SMYD4: variants seen among roughly 807,000 people sequenced by gnomAD.
SMYD4 encodes SET and MYND domain containing 4.
In SMYD4, 68 loss-of-function variants were observed where a neutral mutation model predicts 72.8. The observed-to-expected ratio is 0.93, with a 90% CI of 0.77 to 1.14. The LOEUF is 1.14. SMYD4 is among the 50% of genes most tolerant of loss of function. SMYD4 has a pLI of 0.00. For missense variants in SMYD4, 984 were observed against 1,003.7 expected (o/e 0.98, Z 0.27); for synonymous variants, 407 against 388.6 (o/e 1.05, Z -0.56).
chr17:1,783,657 C>G lies in SMYD4; in HGVS notation c.2021-181G>C, dbSNP rs1056872828. On this transcript the variant is annotated intron_variant, in intron 8 of 10. Coordinates refer to ENST00000305513, the MANE Select transcript of SMYD4 (RefSeq NM_052928.3). Reference sequence around the variant, plus strand: ...AAGCTGCTGTTTTCTTCTGTTTTCTCTGTCAGTGGAGAAAGGCGCTAGGGG... The same window carrying G: ...AAGCTGCTGTTTTCTTCTGTTTTCTGTGTCAGTGGAGAAAGGCGCTAGGGG... The G allele has an allele frequency of 2.2e-5, 26 of 1,162,650 alleles. No individual in the cohort carries two copies. The Middle Eastern group carries it at 9.0e-4, about 40-fold the overall frequency. The allele number at this position is 1,162,650 out of a possible 1,614,324, so 72.0% of individuals were successfully genotyped here.
intron 3 of SMYD4, 119 bp downstream of exon 3, chr17:1,811,852 A>G (rs1201877166): frequency 3.7e-6 from 4 of 1,094,246 alleles, no homozygotes; most frequent in Non-Finnish European, 5.2e-6. Context: ...GCTTGAACCC[A>G]GGAGGCGAAT....
intron 3 of SMYD4, among the ~76,000 whole-genome samples, chr17:1,808,354 A>C (rs1409938343): frequency 6.6e-6 from 1 of 152,236 alleles, no homozygotes; most frequent in Non-Finnish European, 1.5e-5. Context: ...TGTCGAAGGA[A>C]AAAAGCAGGT....
At chr17:1,798,360 G>A (rs56017065) in intron 5 of SMYD4, among the ~76,000 whole-genome samples, 1 of 151,830 alleles carries the variant, frequency 6.6e-6, no homozygotes, top group Non-Finnish European at 1.5e-5. Context: ...GACCCACCCC[G>A]GCCTCCCAAA....
rs574298200 is a variant in SMYD4, at chr17:1,785,479, G to T, written c.1885-1018C>A. ...AAGAAAACCAATAGAAAGGCTGGGC[G>T]TGGTGGCTCACGCCTGTAATCCCAG... On this transcript the variant is annotated intron_variant, in intron 7 of 10. Transcript: ENST00000305513. Among the ~76,000 whole-genome samples the T allele has an allele frequency of 4.6e-5, 7 of 151,452 alleles. No homozygotes were observed. In the East Asian group the frequency reaches 1.2e-3, roughly 25 times the overall value.
chr17:1,824,251 G>A (rs910624481), intron 2 of SMYD4, among the ~76,000 whole-genome samples: 6 of 152,180 alleles, frequency 3.9e-5, no homozygotes, highest in Admixed American at 2.0e-4. Context: ...GCTGAGACAG[G>A]AGAATCGCTT....
At chr17:1,798,501 A>G (rs1267640136) in intron 5 of SMYD4, among the ~76,000 whole-genome samples, 1 of 152,014 alleles carries the variant, frequency 6.6e-6, no homozygotes, top group African/African-American at 2.4e-5. Context: ...AGTGGTTCAC[A>G]CCTGTAATCC....
chr17:1,784,495 C>T (rs748380816), intron 7 of SMYD4, 34 bp from the exon 8 acceptor site: 1 of 1,612,858 alleles, frequency 6.2e-7, no homozygotes, highest in Non-Finnish European at 8.5e-7. Flanking sequence ...ATTCCAATGC[C>T]AGGGTCAGTT....
intron 2 of SMYD4, among the ~76,000 whole-genome samples, chr17:1,817,451 CCCACCTCAG>C (rs755365288): frequency 2.6e-5 from 4 of 152,104 alleles, no homozygotes; most frequent in Non-Finnish European, 4.4e-5. Context: ...AAGTAATCCT[CCCACCTCAG>C]CTTCCTGAGT....
At chr17:1,826,504 A>G (rs1164544200) in intron 2 of SMYD4, among the ~76,000 whole-genome samples, 3 of 66,884 alleles carry the variant, frequency 4.5e-5, no homozygotes, top group African/African-American at 2.6e-4. Context: ...AAAAAAAAAA[A>G]AAAAAAAAAA....
At chr17:1,788,932 G>C (rs1195870894) in intron 5 of SMYD4, among the ~76,000 whole-genome samples, 2 of 152,148 alleles carry the variant, frequency 1.3e-5, no homozygotes, top group South Asian at 4.1e-4. Flanking sequence ...ATTATCTTCA[G>C]TAGTCTCAAT....
chr17:1,783,842 A>G (rs1439884217), intron 8 of SMYD4: 1 of 324,316 alleles, frequency 3.1e-6, no homozygotes, highest in African/African-American at 2.2e-5. Context: ...GTCAAGCTCT[A>G]AGGCAGGGTT....
chr17:1,818,667 AT>A (rs56703091), intron 2 of SMYD4, among the ~76,000 whole-genome samples: 242 of 150,636 alleles, frequency 1.6e-3, no homozygotes, highest in African/African-American at 5.3e-3. Context: ...TTTATTTTTA[AT>A]TTTTTTTTCG....
chr17:1,786,840 G>C lies in SMYD4; in HGVS notation c.1854C>G (p.Phe618Leu), dbSNP rs749178657. ...RMAAGPRWEA[F>L]CCNSCGAPMQ... ...TGGGCGCTCCGCAACTGTTGCAACA[G>C]AATGCTTCCCACCTGGGCCCTGCAG... The change falls in exon 7 of 11, where the codon TTC becomes TTG. Residue 618 changes from phenylalanine to leucine, a missense_variant. Transcript: ENST00000305513. The C allele has an allele frequency of 1.9e-6, 3 of 1,614,228 alleles. No individual in the cohort carries two copies. The highest frequency in any genetic ancestry group is 2.5e-6 in the Non-Finnish European group (3 of 1,180,044).
chr17:1,783,096 C>A lies in SMYD4; in HGVS notation c.2200G>T (p.Gly734Trp). ...TGGCCCATTTCAACACTGGACGGCC[C>A]GTGGCGAACCTCCACCACGTAGAGA... ...RSLYVVEVRH[G>W]PSSVEMGHEL... Residue 734 changes from glycine to tryptophan, a missense_variant, in exon 10 of 11, where the codon GGG becomes TGG. Physicochemically the swap from Gly to Trp is radical, Grantham distance 184 (BLOSUM62 -2). Coordinates refer to ENST00000305513, the MANE Select transcript of SMYD4 (RefSeq NM_052928.3). The A allele has an allele frequency of 1.9e-6, 3 of 1,614,172 alleles. No homozygotes were observed. The highest frequency in any genetic ancestry group is 2.5e-6 in the Non-Finnish European group (3 of 1,180,042).
At position 1,804,621 on chromosome 17, in the gene SMYD4, C is replaced by T; in HGVS notation, c.369+5G>A. Reference sequence around the variant, plus strand: ...TCCTCTCATACCAGGTATCCTGATACTCACCTCATACTGACCCAGGTGGAA... The same window carrying T: ...TCCTCTCATACCAGGTATCCTGATATTCACCTCATACTGACCCAGGTGGAA... On this transcript the variant is annotated splice_donor_5th_base_variant and intron_variant, in intron 4 of 10. Transcript: ENST00000305513. 6.2e-7 allele frequency: 1 copy of T among 1,613,200 alleles called. No homozygotes were observed. Among genetic ancestry groups the T allele is most frequent in the Non-Finnish European group, 8.5e-7 (1 of 1,179,416 alleles).
rs1158798589 is a variant in SMYD4, at chr17:1,800,012, G to C, written c.1382C>G (p.Ala461Gly). The C allele has an allele frequency of 1.6e-5, 26 of 1,614,014 alleles. No individual in the cohort carries two copies. Among genetic ancestry groups the C allele is most frequent in the Non-Finnish European group, 2.2e-5 (26 of 1,180,022 alleles). Residue 461 changes from alanine to glycine, a missense_variant, in exon 5 of 11, where the codon GCC (alanine) becomes GGC (glycine). Coordinates refer to ENST00000305513, the MANE Select transcript of SMYD4 (RefSeq NM_052928.3). ...CRQLEAASLQ[A>G]IPTERIVNSS... ...GTTCACAATCCTCTCAGTTGGGATG[G>C]CCTGTAAACTGGCTGCTTCTAGCTG...
chr17:1,785,567 A>G (rs547945386), intron 7 of SMYD4, among the ~76,000 whole-genome samples: 1 of 152,140 alleles, frequency 6.6e-6, no homozygotes, highest in Admixed American at 6.5e-5. Flanking sequence ...AGCCTGGCCA[A>G]CATGGAGAAC....
chr17:1,782,706 TTC>T (rs140964110), intron 10 of SMYD4: 4,094 of 206,602 alleles, frequency 0.02, 182 homozygotes, highest in African/African-American at 0.091. Flanking sequence ...CCTGGCCAAG[TTC>T]TCTCTGGGAA....
intron 2 of SMYD4, among the ~76,000 whole-genome samples, chr17:1,823,232 T>TAATA (rs1910980694): frequency 7.2e-6 from 1 of 138,068 alleles, no homozygotes; most frequent in African/African-American, 2.7e-5. Flanking sequence ...AAAAAAAAGA[T>TAATA]AATAAAATAA....
Sources: gnomAD v4.1 joint callset for allele counts (sites outside exome capture counted in the v4.1 genomes callset) on GRCh38, gnomAD v4.1.1 for gene constraint, MANE v1.5 for transcripts, NCBI Gene and HGNC (gene_info 2026-07-23, HGNC 2026-07-21) for gene names.